The following PTPRG variants were observed in gnomAD, a reference collection of about 807,000 sequenced individuals.
PTPRG encodes the protein receptor-type tyrosine-protein phosphatase gamma.
A neutral mutation model predicts 165.3 loss-of-function variants in PTPRG; 102 were observed. The observed-to-expected ratio is 0.62, with a 90% confidence interval of 0.53 to 0.73. The LOEUF (loss-of-function observed/expected upper bound fraction) is 0.73, where lower values mean the gene tolerates loss of function less well. Ranked by LOEUF, PTPRG falls within the 30% of genes least tolerant of loss-of-function variation. PTPRG has a pLI of 0.00. For missense variants in PTPRG, 1,866 were observed against 1,861.4 expected, an observed-to-expected ratio of 1.00 and a Z score of -0.05; for synonymous variants, 675 against 669.5, an observed-to-expected ratio of 1.01 and a Z score of -0.13.
At chr3:62,096,357 T>C (rs1455565424) in intron 5 of PTPRG, among the ~76,000 whole-genome samples, 2 of 152,198 alleles carry the variant, frequency 1.3e-5, no homozygotes, top group Admixed American at 1.3e-4. Flanking sequence ...AACACTGTTA[T>C]TGTTTTGATA....
intron 2 of PTPRG, among the ~76,000 whole-genome samples, chr3:61,808,890 T>A (rs1428666205): frequency 6.6e-6 from 1 of 151,546 alleles, no homozygotes; most frequent in Non-Finnish European, 1.5e-5. Context: ...TTTTGTATCT[T>A]TGTTGATAAA....
At chr3:61,633,125 C>T (rs1701814233) in intron 1 of PTPRG, among the ~76,000 whole-genome samples, 1 of 152,230 alleles carries the variant, frequency 6.6e-6, no homozygotes, top group Non-Finnish European at 1.5e-5. Context: ...TCCCATGAGC[C>T]TGCATCTCTC....
At chr3:62,125,176 C>T (rs1703241674) in intron 5 of PTPRG, among the ~76,000 whole-genome samples, 1 of 152,162 alleles carries the variant, frequency 6.6e-6, no homozygotes, top group Admixed American at 6.5e-5. Context: ...ACATATGATA[C>T]CTACATGATA....
At chr3:61,719,997 A>G (rs531650075) in intron 1 of PTPRG, among the ~76,000 whole-genome samples, 1 of 152,116 alleles carries the variant, frequency 6.6e-6, no homozygotes, top group African/African-American at 2.4e-5. Flanking sequence ...GACTTGTCCT[A>G]TGTCCTCTCC....
chr3:62,168,313 A>G, intron 8 of PTPRG, 150 bp downstream of exon 8: 2 of 759,832 alleles, frequency 2.6e-6, no homozygotes. Flanking sequence ...GCTGAAAAAT[A>G]GGAGCAGGTG....
At chr3:61,951,086 C>T (rs1304889664) in intron 2 of PTPRG, among the ~76,000 whole-genome samples, 1 of 152,230 alleles carries the variant, frequency 6.6e-6, no homozygotes, top group Non-Finnish European at 1.5e-5. Context: ...CCCCCTAGCT[C>T]TTAAAGACAG....
intron 2 of PTPRG, among the ~76,000 whole-genome samples, chr3:61,804,509 C>A (rs1261366599): frequency 6.6e-6 from 1 of 152,172 alleles, no homozygotes; most frequent in Non-Finnish European, 1.5e-5. Context: ...TTGTGGTAGA[C>A]TGTATTCGGC....
intron 1 of PTPRG, among the ~76,000 whole-genome samples, chr3:61,639,052 C>T (rs1017206932): frequency 3.9e-5 from 6 of 152,158 alleles, no homozygotes; most frequent in African/African-American, 1.2e-4. Flanking sequence ...CCTGATCTTA[C>T]ATTTAAATCT....
chr3:61,562,049 C>T lies in PTPRG; in HGVS notation c.-239C>T, dbSNP rs1198500140. The T allele has an allele frequency of 9.6e-6, 5 of 523,348 alleles. No individual in the cohort carries two copies. Among genetic ancestry groups the T allele is most frequent in the Admixed American group, 6.4e-5 (2 of 31,370 alleles). 32.4% of individuals were successfully genotyped at this position (523,348 alleles called of 1,614,324 possible). A position where few individuals can be genotyped will look rare whatever the true frequency, so the allele number is the denominator to read the frequency against. ...CCTTTTTAAACGGAAAGCAGCCTTTCTCCGCCGAGAGGATCGTCCCCAGCG... is the reference window on the plus strand; with the variant it reads ...CCTTTTTAAACGGAAAGCAGCCTTTTTCCGCCGAGAGGATCGTCCCCAGCG... On this transcript the variant is annotated 5_prime_UTR_variant, in exon 1 of 30. Transcript: ENST00000474889.
At chr3:61,580,771 C>T (rs1700276623) in intron 1 of PTPRG, among the ~76,000 whole-genome samples, 1 of 152,144 alleles carries the variant, frequency 6.6e-6, no homozygotes, top group South Asian at 2.1e-4. Context: ...AATAAAAGGA[C>T]TTAACGATTA....
At chr3:61,942,438 T>C (rs1463512998) in intron 2 of PTPRG, among the ~76,000 whole-genome samples, 1 of 152,238 alleles carries the variant, frequency 6.6e-6, no homozygotes, top group Non-Finnish European at 1.5e-5. Flanking sequence ...CTCATGTGAG[T>C]GTACCCCATG....
chr3:61,597,246 A>G (rs936764840), intron 1 of PTPRG, among the ~76,000 whole-genome samples: 1 of 152,158 alleles, frequency 6.6e-6, no homozygotes, highest in African/African-American at 2.4e-5. Context: ...TTTCCAGCAC[A>G]TGACCTTTGG....
Position 62,053,266 on chromosome 3 carries a change from G to GTTTTT in PTPRG, c.520-24884_520-24880dup, listed in dbSNP as rs36000751. ...TGTATTTTGAACTTCACTGCCTTGG[G>GTTTTT]TTTTTTTTTTTTTTTTTGGAGACGG... On this transcript the variant is annotated intron_variant, in intron 4 of 29. Transcript: ENST00000474889. Among the ~76,000 whole-genome samples the GTTTTT allele has an allele frequency of 6.1e-3, 795 of 130,930 alleles. 9 individuals are homozygous for GTTTTT. Among genetic ancestry groups the GTTTTT allele is most frequent in the African/African-American group, 0.021 (729 of 35,510 alleles). The allele number at this position is 130,930 out of a possible 152,430, so 85.9% of individuals were successfully genotyped here.
intron 3 of PTPRG, among the ~76,000 whole-genome samples, chr3:61,991,595 C>T (rs560200738): frequency 1.1e-4 from 16 of 152,298 alleles, no homozygotes; most frequent in Admixed American, 8.5e-4. Flanking sequence ...ATCAGTTGCC[C>T]TACTTTATGT....
chr3:62,247,300 C>T (rs1701308605), intron 15 of PTPRG, among the ~76,000 whole-genome samples: 1 of 152,096 alleles, frequency 6.6e-6, no homozygotes, highest in African/African-American at 2.4e-5. Flanking sequence ...ATAAATGGCT[C>T]TGCCACCTCT....
chr3:62,255,309 C>T lies in PTPRG; in HGVS notation c.2559+94C>T. ...TGAACTGAATTCATTCCAAGCATAA[C>T]AAAACAGTAACTACGGAAAGTGGAG... On this transcript the variant is annotated intron_variant, in intron 16 of 29. Transcript: ENST00000474889. This position sits in a 1 kb window ranked among gnomAD's most constrained non-coding sequence, Gnocchi z 4.0. 1 of 906,130 alleles carries T rather than the reference C, an allele frequency of 1.1e-6. No homozygotes were observed. The highest frequency in any genetic ancestry group is 1.7e-6 in the Non-Finnish European group (1 of 584,934). The allele number at this position is 906,130 out of a possible 1,614,324, so 56.1% of individuals were successfully genotyped here.
In PTPRG at chr3:62,192,393, C is replaced by CTTTTTTTTTT. The variant is rs71123255; in HGVS notation, c.1218+764_1218+773dup. On this transcript the variant is annotated intron_variant, in intron 9 of 29. Coordinates refer to ENST00000474889, the MANE Select transcript of PTPRG (RefSeq NM_002841.4). Reference sequence around the variant, plus strand: ...ATAAAGCAAACTCCACAACTACTGTCTTTTTTTTTTTTTTTTTTTTTTTTT... The same window carrying CTTTTTTTTTT: ...ATAAAGCAAACTCCACAACTACTGTCTTTTTTTTTTTTTTTTTTTTTTTTTTTTTTTTTTT... 3.8e-4 allele frequency among the ~76,000 whole-genome samples: 20 copies of CTTTTTTTTTT among 52,620 alleles called. 2 individuals are homozygous for CTTTTTTTTTT. Among genetic ancestry groups the CTTTTTTTTTT allele is most frequent in the East Asian group, 7.9e-4 (1 of 1,270 alleles). 34.5% of individuals were successfully genotyped at this position (52,620 alleles called of 152,430 possible).
intron 2 of PTPRG, among the ~76,000 whole-genome samples, chr3:61,980,805 T>G (rs2040622016): frequency 6.6e-6 from 1 of 152,200 alleles, no homozygotes; most frequent in South Asian, 2.1e-4. Flanking sequence ...TACTGTCTTT[T>G]TACTTTTCAG....
chr3:61,862,595 A>C (rs1475747811), intron 2 of PTPRG, among the ~76,000 whole-genome samples: 1 of 151,950 alleles, frequency 6.6e-6, no homozygotes, highest in Non-Finnish European at 1.5e-5. Flanking sequence ...GGGTTTCTCC[A>C]TGTTGGTCAG....
Sources: allele counts gnomAD v4.1 joint callset (sites outside exome capture counted in the v4.1 genomes callset), GRCh38; gene constraint gnomAD v4.1.1; non-coding constraint Gnocchi (gnomAD v3.1); transcripts MANE v1.5; gene names NCBI Gene and HGNC (gene_info 2026-07-23, HGNC 2026-07-21).